Variants in PLCL2 observed in about 807,000 individuals in gnomAD.
PLCL2 encodes the protein inactive phospholipase C-like protein 2.
In PLCL2, 4 loss-of-function variants were observed where a neutral mutation model predicts 79.6. That is an observed-to-expected ratio of 0.05 (90% CI 0.02 to 0.11). The LOEUF is 0.11. Ranked by LOEUF, PLCL2 falls within the 10% of genes least tolerant of loss-of-function variation. The probability of loss-of-function intolerance (pLI) is 1.00; values close to 1 mark genes in which losing one functional copy is unlikely to be tolerated. For synonymous variants in PLCL2, 484 were observed against 457.7 expected, an observed-to-expected ratio of 1.06 and a Z score of -0.73; for missense variants, 895 against 1,291.0, an observed-to-expected ratio of 0.69 and a Z score of 4.70.
chr3:16,915,244 T>G (rs551475420), intron 1 of PLCL2, among the ~76,000 whole-genome samples: 64 of 152,308 alleles, frequency 4.2e-4, no homozygotes, highest in Non-Finnish European at 8.5e-4. Flanking sequence ...TTGATAAAGG[T>G]CTAGAAGTTG....
At chr3:16,921,393 G>A (rs927793626) in intron 1 of PLCL2, among the ~76,000 whole-genome samples, 1 of 152,216 alleles carries the variant, frequency 6.6e-6, no homozygotes, top group African/African-American at 2.4e-5. Flanking sequence ...ACTTGCTCCA[G>A]ACACTTTGAG....
chr3:16,900,461 C>T (rs1019905214), intron 1 of PLCL2, among the ~76,000 whole-genome samples: 5 of 151,944 alleles, frequency 3.3e-5, no homozygotes, highest in African/African-American at 7.3e-5. Context: ...TGTATCTCAC[C>T]GTATTCTCTC....
chr3:17,063,495 C>A (rs1244845441), intron 4 of PLCL2, among the ~76,000 whole-genome samples: 1 of 151,250 alleles, frequency 6.6e-6, no homozygotes, highest in Non-Finnish European at 1.5e-5. Context: ...CTGAAAATGT[C>A]TGTGGCTGGG....
At chr3:17,073,231 A>G (rs892740958) in intron 5 of PLCL2, among the ~76,000 whole-genome samples, 1 of 152,248 alleles carries the variant, frequency 6.6e-6, no homozygotes, top group Non-Finnish European at 1.5e-5. Context: ...ATGGCAATAA[A>G]GCAAATATCA....
At position 16,899,781 on chromosome 3, in the gene PLCL2, A is replaced by C. The variant is rs79916854; in HGVS notation, c.327+14415A>C. On this transcript the variant is annotated intron_variant, in intron 1 of 5. Coordinates refer to ENST00000615277, the MANE Select transcript of PLCL2 (RefSeq NM_001144382.2). ...TGATTTGATTATTTATGTGAGAAAG[A>C]TCTGTGCTGTTCCTGAAAATTTGCT... Among the ~76,000 whole-genome samples, 872 of 151,970 alleles carry C rather than the reference A, an allele frequency of 5.7e-3. 12 individuals carry two copies. Among genetic ancestry groups the C allele is most frequent in the African/African-American group, 0.021 (849 of 41,400 alleles).
At chr3:16,936,767 G>A (rs1376371747) in intron 1 of PLCL2, among the ~76,000 whole-genome samples, 2 of 151,950 alleles carry the variant, frequency 1.3e-5, no homozygotes, top group South Asian at 2.1e-4. Flanking sequence ...TCAAAAAAAC[G>A]AGGCTGGAAT....
At position 17,011,308 on chromosome 3, in the gene PLCL2, C is replaced by T; in HGVS notation, c.1962C>T (p.Ser654=). 1 of 1,614,210 alleles carries T rather than the reference C, an allele frequency of 6.2e-7. No homozygotes were observed. The highest frequency in any genetic ancestry group is 8.5e-7 in the Non-Finnish European group (1 of 1,180,038). The part of the protein sequence containing the change: ...EVCSFNEVLA[S]KYANENPGDF... ...GTTCCTTTAATGAAGTGCTTGCCAG[C>T]AAGTACGCCAATGAAAATCCAGGGG... The change falls in exon 2 of 6, where the codon AGC becomes AGT. Residue 654 remains serine (S), a synonymous_variant. Coordinates refer to ENST00000615277, the MANE Select transcript of PLCL2 (RefSeq NM_001144382.2). The surrounding 1 kb of genome is among the most constrained non-coding windows in gnomAD (Gnocchi z 7.9).
chr3:16,913,673 G>C (rs1210845708), intron 1 of PLCL2, among the ~76,000 whole-genome samples: 2 of 151,916 alleles, frequency 1.3e-5, no homozygotes, highest in Non-Finnish European at 2.9e-5. Context: ...TTACTGAATA[G>C]AATATGAATA....
chr3:16,895,908 T>C (rs1696468552), intron 1 of PLCL2, among the ~76,000 whole-genome samples: 1 of 152,170 alleles, frequency 6.6e-6, no homozygotes, highest in Admixed American at 6.5e-5. Context: ...TAAACTAATT[T>C]GGAGTGGTAG....
chr3:16,947,188 G>A (rs375443081), intron 1 of PLCL2, among the ~76,000 whole-genome samples: 3 of 151,722 alleles, frequency 2.0e-5, no homozygotes, highest in East Asian at 1.9e-4. Flanking sequence ...GGCTTCAAGC[G>A]ATCCTCCTAC....
intron 1 of PLCL2, among the ~76,000 whole-genome samples, chr3:16,946,801 C>G (rs2063604405): frequency 6.6e-6 from 1 of 151,938 alleles, no homozygotes; most frequent in African/African-American, 2.4e-5. Context: ...TAAGTCCTGT[C>G]ATAAGTCATT....
chr3:17,038,508 G>T (rs2064683359), intron 3 of PLCL2, among the ~76,000 whole-genome samples: 2 of 152,166 alleles, frequency 1.3e-5, no homozygotes, highest in South Asian at 4.1e-4. Flanking sequence ...AGATAAAGTA[G>T]TTTTTTCCTT....
intron 3 of PLCL2, among the ~76,000 whole-genome samples, chr3:17,020,882 A>G (rs960029043): frequency 6.6e-6 from 1 of 152,138 alleles, no homozygotes; most frequent in African/African-American, 2.4e-5. Flanking sequence ...AGTTGTTGGT[A>G]TGGTGTCATA....
chr3:16,965,896 G>T (rs1205170151), intron 1 of PLCL2, among the ~76,000 whole-genome samples: 1 of 152,086 alleles, frequency 6.6e-6, no homozygotes, highest in African/African-American at 2.4e-5. Context: ...TGCTGAAGTT[G>T]CTTATCAGCT....
chr3:17,019,899 A>G (rs903523759), intron 3 of PLCL2, among the ~76,000 whole-genome samples: 4 of 152,228 alleles, frequency 2.6e-5, no homozygotes, highest in African/African-American at 9.6e-5. Flanking sequence ...GGCTGGTAAG[A>G]GAAAATAAGG....
At chr3:16,970,038 T>TTTTATA (rs1553640053) in intron 1 of PLCL2, among the ~76,000 whole-genome samples, 1 of 135,902 alleles carries the variant, frequency 7.4e-6, no homozygotes, top group African/African-American at 2.7e-5. Context: ...TGGCTTTGAT[T>TTTTATA]TATATATATA....
At chr3:16,902,881 T>TGTGTGC (rs1272936432) in intron 1 of PLCL2, among the ~76,000 whole-genome samples, 1,509 of 133,878 alleles carry the variant, frequency 0.011, 37 homozygotes, top group African/African-American at 0.039. Flanking sequence ...TGTGTGTGTG[T>TGTGTGC]GNGCGCATGT....
intron 1 of PLCL2, among the ~76,000 whole-genome samples, chr3:16,941,295 A>C (rs375505819): frequency 1.3e-5 from 2 of 152,180 alleles, no homozygotes; most frequent in Non-Finnish European, 2.9e-5. Flanking sequence ...CCACTGTTGC[A>C]TTAGCCTCTT....
intron 5 of PLCL2, among the ~76,000 whole-genome samples, chr3:17,068,981 T>C (rs1253263430): frequency 6.6e-6 from 1 of 152,236 alleles, no homozygotes. Context: ...CAGCTGAATT[T>C]GTAGGGAAGA....
Sources: gnomAD v4.1 joint callset for allele counts (sites outside exome capture counted in the v4.1 genomes callset) on GRCh38, gnomAD v4.1.1 for gene constraint, Gnocchi (gnomAD v3.1) non-coding constraint, MANE v1.5 for transcripts, NCBI Gene and HGNC (gene_info 2026-07-23, HGNC 2026-07-21) for gene names.